The following RNF216 variants were observed in gnomAD, a reference collection of about 807,000 sequenced individuals.
RNF216 encodes ring finger protein 216.
A neutral mutation model predicts 110.8 loss-of-function variants in RNF216; 72 were observed. The observed-to-expected ratio is 0.65, with a 90% CI of 0.54 to 0.79. RNF216 has a LOEUF of 0.79. RNF216 is among the 30% of genes least tolerant of loss of function. The pLI, the probability that RNF216 is intolerant of heterozygous loss-of-function variation, is 0.00. For synonymous variants in RNF216, 495 were observed against 407.5 expected, an observed-to-expected ratio of 1.21 and a Z score of -2.59; for missense variants, 1,342 against 1,141.2, an observed-to-expected ratio of 1.18 and a Z score of -2.54.
chr7:5,709,418 GAA>G (rs1190044736), intron 13 of RNF216, among the ~76,000 whole-genome samples: 2 of 152,184 alleles, frequency 1.3e-5, no homozygotes, highest in Non-Finnish European at 2.9e-5. Flanking sequence ...CTCACAGAGA[GAA>G]ATGGTCCTTC....
chr7:5,743,453 G>T (rs940864214), intron 3 of RNF216, among the ~76,000 whole-genome samples: 1 of 152,088 alleles, frequency 6.6e-6, no homozygotes, highest in Non-Finnish European at 1.5e-5. Context: ...TTACTTATTT[G>T]TTCTACAAAA....
chr7:5,743,859 G>A (rs10260656), intron 3 of RNF216, among the ~76,000 whole-genome samples: 8,798 of 152,208 alleles, frequency 0.058, 839 homozygotes, highest in African/African-American at 0.2. Context: ...GAATCGCAGC[G>A]TGGAGAGTTT....
intron 15 of RNF216, among the ~76,000 whole-genome samples, chr7:5,631,115 G>A (rs139431776): frequency 6.6e-6 from 1 of 152,096 alleles, no homozygotes; most frequent in African/African-American, 2.4e-5. Context: ...CCCCTTACAA[G>A]ACGTAACAGG....
At chr7:5,655,960 G>A (rs1264433538) in intron 13 of RNF216, among the ~76,000 whole-genome samples, 1 of 151,818 alleles carries the variant, frequency 6.6e-6, no homozygotes, top group Admixed American at 6.6e-5. Context: ...GGGCTCAAGC[G>A]ATCTCCCACC....
At chr7:5,668,380 C>A (rs541790917) in intron 13 of RNF216, among the ~76,000 whole-genome samples, 1 of 152,048 alleles carries the variant, frequency 6.6e-6, no homozygotes, top group Non-Finnish European at 1.5e-5. Context: ...CCCACCACCA[C>A]GCCCGGCTAA....
chr7:5,677,779 G>T (rs962735265), intron 13 of RNF216, among the ~76,000 whole-genome samples: 7 of 152,160 alleles, frequency 4.6e-5, no homozygotes, highest in African/African-American at 1.4e-4. Context: ...TCTGCCCAAG[G>T]GGAAGGGTTG....
chr7:5,749,298 G>A (rs1386923839), intron 3 of RNF216, among the ~76,000 whole-genome samples: 4 of 151,816 alleles, frequency 2.6e-5, no homozygotes, highest in East Asian at 1.9e-4. Context: ...TTACAGGCAC[G>A]TGCCACCATG....
chr7:5,767,800 T>C (rs1216318899), intron 1 of RNF216, among the ~76,000 whole-genome samples: 2 of 152,156 alleles, frequency 1.3e-5, no homozygotes, highest in Non-Finnish European at 2.9e-5. Context: ...GACTTTGTTA[T>C]GTTGGCCAGG....
At chr7:5,725,676 C>A (rs1793708042) in intron 7 of RNF216, among the ~76,000 whole-genome samples, 1 of 151,966 alleles carries the variant, frequency 6.6e-6, no homozygotes, top group South Asian at 2.1e-4. Context: ...ATGGTGAAAC[C>A]CTGTCTGTAC....
intron 2 of RNF216, among the ~76,000 whole-genome samples, chr7:5,760,055 C>CA (rs1369455631): frequency 6.6e-6 from 1 of 151,944 alleles, no homozygotes; most frequent in Non-Finnish European, 1.5e-5. Flanking sequence ...TTTATAATTG[C>CA]AAAAAATGAA....
intron 1 of RNF216, among the ~76,000 whole-genome samples, chr7:5,771,055 C>T (rs1796470096): frequency 6.6e-6 from 1 of 152,188 alleles, no homozygotes; most frequent in African/African-American, 2.4e-5. Flanking sequence ...ATTCGCCCAC[C>T]TTGGCCTCCC....
chr7:5,663,988 G>A lies in RNF216; in HGVS notation c.2062-11478C>T, dbSNP rs1347615845. Among the ~76,000 whole-genome samples, 3 of 152,268 alleles carry A rather than the reference G, an allele frequency of 2.0e-5. No individual in the cohort carries two copies. In the Middle Eastern group the frequency reaches 0.01, roughly 518 times the overall value. On this transcript the variant is annotated intron_variant, in intron 13 of 16. Coordinates refer to ENST00000389902, the MANE Select transcript of RNF216 (RefSeq NM_207111.4). ...TGCCACATGGAGATGCGATGGAGATGAAGCCTGGAGAATTCCTGACCTGGA... is the reference window on the plus strand; with the variant it reads ...TGCCACATGGAGATGCGATGGAGATAAAGCCTGGAGAATTCCTGACCTGGA...
At chr7:5,720,404 C>T (rs747325511) in intron 9 of RNF216, among the ~76,000 whole-genome samples, 2 of 152,146 alleles carry the variant, frequency 1.3e-5, no homozygotes, top group Non-Finnish European at 2.9e-5. Context: ...TTACCTTATT[C>T]TAAGAATACA....
At chr7:5,747,679 C>T (rs1490810588) in intron 3 of RNF216, among the ~76,000 whole-genome samples, 1 of 117,928 alleles carries the variant, frequency 8.5e-6, no homozygotes, top group East Asian at 2.9e-4. Flanking sequence ...AAACCTGGGA[C>T]GTGCATGTTG....
In RNF216 at chr7:5,721,112, G is replaced by C. The variant is rs371558326; in HGVS notation, c.1565C>G (p.Ser522Cys). ...FLENKRRHCR[S>C]YDRRALLPAV... ...TGGAAGGAGAGCACGTCGGTCATAG[G>C]ACCTACAATGTCGTCGCTTATTTTC... is the stretch of plus-strand genomic sequence containing the variant. The change falls in exon 9 of 17, where the codon TCC (serine) becomes TGC (cysteine). Residue 522 changes from serine (S) to cysteine (C), a missense_variant. Transcript: ENST00000389902. The C allele has an allele frequency of 1.9e-6, 3 of 1,613,882 alleles. No individual in the cohort carries two copies. Among genetic ancestry groups the C allele is most frequent in the Non-Finnish European group, 2.5e-6 (3 of 1,179,804 alleles).
chr7:5,726,859 A>T (rs1210829859), intron 7 of RNF216, among the ~76,000 whole-genome samples: 1 of 140,256 alleles, frequency 7.1e-6, no homozygotes, highest in Non-Finnish European at 1.6e-5. Flanking sequence ...CTCTGTCTTA[A>T]AAAAAAAAAA....
intron 13 of RNF216, among the ~76,000 whole-genome samples, chr7:5,667,629 T>G (rs978204071): frequency 6.6e-6 from 1 of 152,228 alleles, no homozygotes; most frequent in African/African-American, 2.4e-5. Context: ...AGGCTGACCT[T>G]GTCTTTGCTC....
At position 5,624,607 on chromosome 7, in the gene RNF216, C is replaced by A. The variant is rs1471317273; in HGVS notation, c.2383-482G>T. On this transcript the variant is annotated intron_variant, in intron 15 of 16. Transcript: ENST00000389902. This position sits in a 1 kb window ranked among gnomAD's most constrained non-coding sequence, Gnocchi z 4.4. ...GTCCAGTCGGGCCCTGCTTAGCCCC[C>A]AAGGCTGGCCTTGGCTCCTGGGCCA... 1.6e-4 allele frequency among the ~76,000 whole-genome samples: 25 copies of A among 152,234 alleles called. No homozygotes were observed. The highest frequency in any genetic ancestry group is 1.6e-3 in the Admixed American group (25 of 15,294).
chr7:5,684,157 C>CAG (rs1790832859), intron 13 of RNF216, among the ~76,000 whole-genome samples: 1 of 130,838 alleles, frequency 7.6e-6, no homozygotes, highest in African/African-American at 3.0e-5. Context: ...GGCTGGAGTG[C>CAG]AGTGGCGTGA....
Sources: gnomAD v4.1 joint callset for allele counts (sites outside exome capture counted in the v4.1 genomes callset) on GRCh38, gnomAD v4.1.1 for gene constraint, Gnocchi (gnomAD v3.1) non-coding constraint, MANE v1.5 for transcripts, NCBI Gene and HGNC (gene_info 2026-07-23, HGNC 2026-07-21) for gene names.